Variants in ARHGAP15 observed in about 807,000 individuals in gnomAD.
ARHGAP15 encodes rho GTPase-activating protein 15.
A neutral mutation model predicts 63.7 loss-of-function variants in ARHGAP15; 51 were observed. That is an observed-to-expected ratio of 0.80 (90% CI 0.64 to 1.01). ARHGAP15 has a LOEUF of 1.01. ARHGAP15 is among the 50% of genes least tolerant of loss of function. The probability of loss-of-function intolerance (pLI) is 0.00; values close to 1 mark genes in which losing one functional copy is unlikely to be tolerated. For missense variants in ARHGAP15, 560 were observed against 564.6 expected (o/e 0.99, Z 0.08); for synonymous variants, 191 against 193.8 (o/e 0.99, Z 0.12).
intron 10 of ARHGAP15, among the ~76,000 whole-genome samples, chr2:143,541,873 T>C (rs1695075616): frequency 6.6e-6 from 1 of 152,176 alleles, no homozygotes; most frequent in Non-Finnish European, 1.5e-5. Context: ...CTCAAGCTGT[T>C]TGCTGGGCGA....
chr2:143,403,067 T>C (rs780014011), intron 6 of ARHGAP15, among the ~76,000 whole-genome samples: 12 of 151,944 alleles, frequency 7.9e-5, no homozygotes, highest in South Asian at 2.1e-4. Context: ...CAAGTATAGC[T>C]ATGTGGAAAC....
rs76415360 is a variant in ARHGAP15, at chr2:143,257,467, T to C, written c.474+6867T>C. On this transcript the variant is annotated intron_variant, in intron 6 of 13. Transcript: ENST00000295095. Reference sequence around the variant, plus strand: ...GAACTTAGACAACTGGATAGCTCACTTCACATTGCCTTCTGGAATAGCTGG... The same window carrying C: ...GAACTTAGACAACTGGATAGCTCACCTCACATTGCCTTCTGGAATAGCTGG... 9.6e-3 allele frequency among the ~76,000 whole-genome samples: 1,469 copies of C among 152,254 alleles called. 12 individuals carry two copies. The highest frequency in any genetic ancestry group is 0.015 in the Non-Finnish European group (987 of 68,014).
chr2:143,666,066 T>C (rs1181379595), intron 12 of ARHGAP15, among the ~76,000 whole-genome samples: 1 of 151,568 alleles, frequency 6.6e-6, no homozygotes. Context: ...TGGAAAAAAC[T>C]ACTTTAAAGT....
intron 6 of ARHGAP15, among the ~76,000 whole-genome samples, chr2:143,382,196 A>G: frequency 6.6e-6 from 1 of 151,674 alleles, no homozygotes; most frequent in Admixed American, 6.6e-5. Flanking sequence ...AAACTGTACT[A>G]ATATCCTAAG....
At chr2:143,202,324 C>T (rs1239062815) in intron 3 of ARHGAP15, 122 bp downstream of exon 3, 6 of 755,920 alleles carry the variant, frequency 7.9e-6, no homozygotes, top group Non-Finnish European at 1.4e-5. Flanking sequence ...ATCAGGGCAC[C>T]ACTTAGTAGA....
intron 11 of ARHGAP15, among the ~76,000 whole-genome samples, chr2:143,573,462 TAAAG>T (rs145401800): frequency 0.28 from 42,687 of 151,850 alleles, 6,701 homozygotes; most frequent in East Asian, 0.42. Context: ...AATTTAATAA[TAAAG>T]AAAATGCCGA....
intron 6 of ARHGAP15, among the ~76,000 whole-genome samples, chr2:143,386,174 G>A (rs996873859): frequency 7.9e-5 from 12 of 152,190 alleles, no homozygotes; most frequent in African/African-American, 2.2e-4. Flanking sequence ...ATACCACTCA[G>A]CCACCAACAC....
chr2:143,177,611 T>C (rs1336552044), intron 2 of ARHGAP15, among the ~76,000 whole-genome samples: 3 of 152,312 alleles, frequency 2.0e-5, no homozygotes, highest in African/African-American at 7.2e-5. Context: ...CAAAGGGTGA[T>C]CTAGGGATCC....
At chr2:143,645,720 C>T (rs766210275) in intron 12 of ARHGAP15, among the ~76,000 whole-genome samples, 8 of 151,922 alleles carry the variant, frequency 5.3e-5, no homozygotes, top group South Asian at 4.2e-4. Flanking sequence ...TCAAATTCCG[C>T]GATACTATTG....
intron 6 of ARHGAP15, among the ~76,000 whole-genome samples, chr2:143,393,871 G>A (rs772861702): frequency 1.3e-5 from 2 of 152,034 alleles, no homozygotes; most frequent in African/African-American, 4.8e-5. Flanking sequence ...TCTGACTGTA[G>A]GAAGAGCAAT....
chr2:143,622,358 G>T (rs931446196), intron 11 of ARHGAP15, among the ~76,000 whole-genome samples: 1 of 152,010 alleles, frequency 6.6e-6, no homozygotes, highest in African/African-American at 2.4e-5. Context: ...AGGGGGTGTG[G>T]CACCATAGTG....
chr2:143,565,518 A>G (rs1238885431), intron 11 of ARHGAP15, among the ~76,000 whole-genome samples: 1 of 152,188 alleles, frequency 6.6e-6, no homozygotes, highest in Non-Finnish European at 1.5e-5. Context: ...AAATAACTTC[A>G]TTGGTACATT....
At chr2:143,445,307 C>T (rs1236316443) in intron 8 of ARHGAP15, among the ~76,000 whole-genome samples, 2 of 151,418 alleles carry the variant, frequency 1.3e-5, no homozygotes, top group East Asian at 1.9e-4. Flanking sequence ...ACTACAGGCT[C>T]GGGCAACACC....
At chr2:143,610,136 G>T (rs1322361450) in intron 11 of ARHGAP15, among the ~76,000 whole-genome samples, 1 of 152,104 alleles carries the variant, frequency 6.6e-6, no homozygotes, top group Non-Finnish European at 1.5e-5. Flanking sequence ...TGAATGGCAG[G>T]TTGTGGCCTG....
chr2:143,611,342 T>C (rs114584710), intron 11 of ARHGAP15, among the ~76,000 whole-genome samples: 1,677 of 152,264 alleles, frequency 0.011, 31 homozygotes, highest in African/African-American at 0.038. Context: ...TTTTGCAAAA[T>C]AATTTGTGAG....
chr2:143,748,273 T>A (rs1686243261), intron 13 of ARHGAP15, among the ~76,000 whole-genome samples: 1 of 152,200 alleles, frequency 6.6e-6, no homozygotes, highest in African/African-American at 2.4e-5. Flanking sequence ...AATTTTATGA[T>A]CTTTTCAAAA....
chr2:143,488,873 T>G (rs1397380443), intron 9 of ARHGAP15, among the ~76,000 whole-genome samples: 1 of 152,206 alleles, frequency 6.6e-6, no homozygotes, highest in Non-Finnish European at 1.5e-5. Flanking sequence ...ACGAGGACCT[T>G]GCTTTAAATC....
At chr2:143,378,193 C>T (rs1686898396) in intron 6 of ARHGAP15, among the ~76,000 whole-genome samples, 2 of 151,900 alleles carry the variant, frequency 1.3e-5, no homozygotes, top group Admixed American at 6.6e-5. Context: ...ATGTGATTAG[C>T]ACTTGTGAAA....
At chr2:143,737,612 C>T (rs983828467) in intron 13 of ARHGAP15, among the ~76,000 whole-genome samples, 3 of 152,258 alleles carry the variant, frequency 2.0e-5, no homozygotes, top group Admixed American at 1.3e-4. Flanking sequence ...CAAAAAGATT[C>T]GAACATGCTT....
Sources: gnomAD v4.1 joint callset for allele counts (sites outside exome capture counted in the v4.1 genomes callset) on GRCh38, gnomAD v4.1.1 for gene constraint, MANE v1.5 for transcripts, NCBI Gene and HGNC (gene_info 2026-07-23, HGNC 2026-07-21) for gene names.